The following DLG5 variants were observed in gnomAD, a reference collection of about 807,000 sequenced individuals.
DLG5 encodes the protein disks large homolog 5.
A neutral mutation model predicts 189.8 loss-of-function variants in DLG5; 48 were observed. The observed-to-expected ratio is 0.25, with a 90% CI of 0.20 to 0.32. The LOEUF (loss-of-function observed/expected upper bound fraction) is 0.32. Ranked by LOEUF, DLG5 falls within the 10% of genes least tolerant of loss-of-function variation. The pLI is 1.00. For synonymous variants in DLG5, 1,016 were observed against 1,054.1 expected, an observed-to-expected ratio of 0.96 and a Z score of 0.70; for missense variants, 2,160 against 2,544.7, an observed-to-expected ratio of 0.85 and a Z score of 3.25.
chr10:77,812,292 C>T lies in DLG5; in HGVS notation c.4111G>A (p.Gly1371Ser), dbSNP rs1287773600. The change falls in exon 21 of 32, where the codon GGC (glycine) becomes AGC (serine). Residue 1371 changes from glycine (G) to serine (S), a missense_variant. By Grantham distance (56) the Gly-to-Ser change is moderately conservative. This residue lies in a region of DLG5 where 61 missense variants were observed against 101.0 expected (regional missense o/e 0.60). Coordinates refer to ENST00000372391, the MANE Select transcript of DLG5 (RefSeq NM_004747.4). ...GISIVSGEKG[G>S]IYVSKVTVGS... is the part of the protein sequence containing the mutation. Reference sequence around the variant, plus strand: ...ACGGTCACCTTGGAGACGTAGATGCCGCCCTTCTCTCCACTCACGATGGAG... The same window carrying T: ...ACGGTCACCTTGGAGACGTAGATGCTGCCCTTCTCTCCACTCACGATGGAG... The T allele has an allele frequency of 1.2e-6, 2 of 1,614,070 alleles. No homozygotes were observed. Among genetic ancestry groups the T allele is most frequent in the Non-Finnish European group, 1.7e-6 (2 of 1,180,044 alleles).
chr10:77,850,640 A>C (rs1248684), intron 5 of DLG5, among the ~76,000 whole-genome samples: 38,876 of 151,906 alleles, frequency 0.26, 5,516 homozygotes, highest in Admixed American at 0.39. Flanking sequence ...TATTCCCACC[A>C]ACAACATATG....
intron 2 of DLG5, among the ~76,000 whole-genome samples, chr10:77,862,244 T>C (rs1844500521): frequency 6.6e-6 from 1 of 152,068 alleles, no homozygotes; most frequent in East Asian, 1.9e-4. Context: ...GCCCATCTTA[T>C]CTCTCTCCCT....
intron 1 of DLG5, among the ~76,000 whole-genome samples, chr10:77,887,153 A>G (rs1845464178): frequency 6.6e-6 from 1 of 152,200 alleles, no homozygotes; most frequent in Non-Finnish European, 1.5e-5. Context: ...CCCAGGACAA[A>G]CGTATTGCTG....
Position 77,821,803 on chromosome 10 carries a change from G to C in DLG5, c.2681C>G (p.Ser894Cys), listed in dbSNP as rs554975013. ...GTCCCCAGAGGCATCTGAGCGGAAG[G>C]AGCTCAGGCTACGCTCAGAGGCACT... ...CPSASERSLS[S>C]FRSDASGDRG... is the part of the protein sequence containing the mutation. Residue 894 changes from serine to cysteine, a missense_variant, in exon 15 of 32, where the codon TCC (serine) becomes TGC (cysteine). Coordinates refer to ENST00000372391, the MANE Select transcript of DLG5 (RefSeq NM_004747.4). The C allele has an allele frequency of 6.8e-6, 11 of 1,612,638 alleles. No individual in the cohort carries two copies. In the East Asian group the frequency reaches 2.2e-4, roughly 33 times the overall value.
At position 77,857,326 on chromosome 10, in the gene DLG5, A is replaced by G. The variant is rs943113766; in HGVS notation, c.374-434T>C. ...GAGTGGAAGGCATGGCTCGAGGAGA[A>G]AGGCACACCTGAAATCCAATGACGC... On this transcript the variant is annotated intron_variant, in intron 2 of 31. Coordinates refer to ENST00000372391, the MANE Select transcript of DLG5 (RefSeq NM_004747.4). Among the ~76,000 whole-genome samples, 3 of 152,238 alleles carry G rather than the reference A, an allele frequency of 2.0e-5. No homozygotes were observed. The South Asian group carries it at 6.2e-4, about 31-fold the overall frequency.
intron 1 of DLG5, among the ~76,000 whole-genome samples, chr10:77,908,638 C>A (rs1369269597): frequency 6.6e-6 from 1 of 152,194 alleles, no homozygotes; most frequent in East Asian, 1.9e-4. Context: ...CCAGGTCTAC[C>A]TCCCTCCTTC....
At chr10:77,885,846 C>T (rs1281234199) in intron 1 of DLG5, among the ~76,000 whole-genome samples, 14 of 152,238 alleles carry the variant, frequency 9.2e-5, no homozygotes, top group Admixed American at 9.2e-4. Context: ...CCAGGTCACA[C>T]AGCAAGCTGG....
chr10:77,859,850 C>T (rs1396825182), intron 2 of DLG5, among the ~76,000 whole-genome samples: 1 of 152,198 alleles, frequency 6.6e-6, no homozygotes, highest in Admixed American at 6.5e-5. Flanking sequence ...TCAGCATTTC[C>T]TCTCCCCAAA....
intron 14 of DLG5, among the ~76,000 whole-genome samples, chr10:77,824,162 C>CGGGTCCAGATTCAAAT (rs1842501077): frequency 1.3e-5 from 2 of 152,252 alleles, no homozygotes; most frequent in Admixed American, 6.5e-5. Flanking sequence ...ATCTAATTAT[C>CGGGTCCAGATTCAAAT]GGGTCCAGAT....
chr10:77,810,747 G>C (rs1010224682), intron 23 of DLG5, among the ~76,000 whole-genome samples: 4 of 152,230 alleles, frequency 2.6e-5, no homozygotes, highest in Non-Finnish European at 5.9e-5. Flanking sequence ...ACCTCATTGG[G>C]GGAAGCACTG....
At chr10:77,851,417 GAGC>G (rs1352547540) in intron 5 of DLG5, among the ~76,000 whole-genome samples, 6 of 152,104 alleles carry the variant, frequency 3.9e-5, no homozygotes, top group African/African-American at 1.4e-4. Context: ...AATGCTCCAA[GAGC>G]ACCACCCCCA....
chr10:77,874,799 T>C (rs76940078), intron 1 of DLG5, among the ~76,000 whole-genome samples: 2,488 of 152,302 alleles, frequency 0.016, 66 homozygotes, highest in African/African-American at 0.055. Context: ...AAGTGTTAGC[T>C]GGTGTTATTA....
chr10:77,913,034 T>C (rs1016503068), intron 1 of DLG5, among the ~76,000 whole-genome samples: 1 of 152,190 alleles, frequency 6.6e-6, no homozygotes, highest in Non-Finnish European at 1.5e-5. Context: ...TTTACAGATC[T>C]GGCTCTCACC....
chr10:77,936,239 A>G, the DLG5 span, among the ~76,000 whole-genome samples: 2 of 152,128 alleles, frequency 1.3e-5, no homozygotes, highest in African/African-American at 4.8e-5. Flanking sequence ...GGAGATCGAG[A>G]CCATCCCAGC....
chr10:77,875,627 C>T (rs1845060301), intron 1 of DLG5, among the ~76,000 whole-genome samples: 1 of 152,168 alleles, frequency 6.6e-6, no homozygotes, highest in Non-Finnish European at 1.5e-5. Context: ...CTGTGAACTG[C>T]AGAGATGAGG....
At chr10:77,794,287 C>T (rs1408562885) in intron 30 of DLG5, among the ~76,000 whole-genome samples, 170 bp from the exon 31 acceptor site, 6 of 152,206 alleles carry the variant, frequency 3.9e-5, no homozygotes, top group Admixed American at 6.5e-5. Flanking sequence ...GTCGGGGGAG[C>T]TCTGGGCAGA....
intron 2 of DLG5, 118 bp from the exon 3 acceptor site, chr10:77,857,010 T>C: frequency 1.1e-6 from 1 of 909,506 alleles, no homozygotes; most frequent in Non-Finnish European, 1.6e-6. Flanking sequence ...TGGGTCCTCT[T>C]AGCATTCCCC....
Position 77,792,258 on chromosome 10 carries a change from G to A in DLG5, c.*182C>T. The A allele has an allele frequency of 1.6e-6, 1 of 632,234 alleles. No individual in the cohort carries two copies. Among genetic ancestry groups the A allele is most frequent in the Non-Finnish European group, 2.8e-6 (1 of 357,506 alleles). 39.2% of individuals were successfully genotyped at this position (632,234 alleles called of 1,614,324 possible). A position where few individuals can be genotyped will look rare whatever the true frequency, so the allele number is the denominator to read the frequency against. ...GACACGGGCAGAGTGTGTGGGCCTG[G>A]GCCTGGATCGCACGCAGCCGTGGCC... On this transcript the variant is annotated 3_prime_UTR_variant, in exon 32 of 32. Coordinates refer to ENST00000372391, the MANE Select transcript of DLG5 (RefSeq NM_004747.4).
rs539745365 is a variant in DLG5, at chr10:77,858,307, T to TA, written c.374-1416dup. The stretch of plus-strand genomic sequence containing the variant: ...AGTTAGAAACAAAAGAAATATGTAT[T>TA]AAAAAAAAAAGATTAAATCACATCT... On this transcript the variant is annotated intron_variant, in intron 2 of 31. Transcript: ENST00000372391. Among the ~76,000 whole-genome samples, 523 of 148,660 alleles carry TA rather than the reference T, an allele frequency of 3.5e-3. 4 individuals are homozygous for TA. The highest frequency in any genetic ancestry group is 0.012 in the African/African-American group (470 of 40,364).
Sources: gnomAD v4.1 joint callset for allele counts (sites outside exome capture counted in the v4.1 genomes callset) on GRCh38, gnomAD v4.1.1 for gene constraint, gnomAD v4.1.1 regional missense constraint, MANE v1.5 for transcripts, NCBI Gene and HGNC (gene_info 2026-07-23, HGNC 2026-07-21) for gene names.